Variants in MAF observed in about 807,000 individuals in gnomAD.
MAF encodes MAF bZIP transcription factor.
In MAF, 10 loss-of-function variants were observed where a neutral mutation model predicts 22.0. The observed-to-expected ratio is 0.45, with a 90% CI of 0.28 to 0.77. The LOEUF (loss-of-function observed/expected upper bound fraction) is 0.77, where lower values mean the gene tolerates loss of function less well. MAF is among the 30% of genes least tolerant of loss of function. The probability of loss-of-function intolerance (pLI) is 0.12; values close to 1 mark genes in which losing one functional copy is unlikely to be tolerated. For synonymous variants in MAF, 337 were observed against 255.8 expected (o/e 1.32, Z -3.03); for missense variants, 544 against 548.4 (o/e 0.99, Z 0.08).
At chr16:79,413,211 T>TA in the MAF span, among the ~76,000 whole-genome samples, 22 of 5,698 alleles carry the variant, frequency 3.9e-3, no homozygotes, top group African/African-American at 0.013. Context: ...AGCTGTGCAG[T>TA]TTTTTTTTTT....
the MAF span, among the ~76,000 whole-genome samples, chr16:79,429,249 G>A: frequency 3.0e-4 from 45 of 152,162 alleles, no homozygotes; most frequent in Non-Finnish European, 4.6e-4. Context: ...GTATTATTCC[G>A]TAATGAGCCA....
chr16:79,396,154 T>C, the MAF span, among the ~76,000 whole-genome samples: 4 of 152,170 alleles, frequency 2.6e-5, no homozygotes, highest in South Asian at 6.2e-4. Flanking sequence ...TAAAGGGTGT[T>C]TGTCCTGCAG....
At chr16:79,548,599 G>A in the MAF span, among the ~76,000 whole-genome samples, 1 of 152,226 alleles carries the variant, frequency 6.6e-6, no homozygotes, top group Non-Finnish European at 1.5e-5. Flanking sequence ...CATTGATGAT[G>A]AAGAGTCTTG....
intron 1 of MAF, chr16:79,597,867 G>A (rs1409509676): frequency 2.9e-6 from 3 of 1,028,488 alleles, no homozygotes; most frequent in Non-Finnish European, 3.5e-6. Context: ...GTTCATTGTT[G>A]CTAAGACAAA....
chr16:79,345,457 G>T, the MAF span, among the ~76,000 whole-genome samples: 4 of 152,128 alleles, frequency 2.6e-5, no homozygotes, highest in East Asian at 7.7e-4. Context: ...TTTTGGCTAG[G>T]TGTGGTGCCT....
the MAF span, among the ~76,000 whole-genome samples, chr16:79,283,303 A>G: frequency 2.6e-5 from 4 of 152,256 alleles, no homozygotes; most frequent in African/African-American, 9.6e-5. Flanking sequence ...TACATTAGAC[A>G]TATGAAACTT....
the MAF span, among the ~76,000 whole-genome samples, chr16:79,249,276 G>A: frequency 3.3e-5 from 5 of 152,110 alleles, no homozygotes; most frequent in African/African-American, 9.7e-5. Flanking sequence ...AAAAGTAGCC[G>A]GATGTGGTGG....
chr16:79,365,635 G>T, the MAF span, among the ~76,000 whole-genome samples: 2 of 152,062 alleles, frequency 1.3e-5, no homozygotes. Context: ...TCTCAACAGG[G>T]CTCACTGGTA....
At chr16:79,218,918 A>C in the MAF span, among the ~76,000 whole-genome samples, 8 of 152,270 alleles carry the variant, frequency 5.3e-5, no homozygotes, top group East Asian at 5.8e-4. Flanking sequence ...CCCAAAACTC[A>C]CACCCCAAGC....
At chr16:79,314,916 C>T in the MAF span, among the ~76,000 whole-genome samples, 1 of 152,156 alleles carries the variant, frequency 6.6e-6, no homozygotes, top group African/African-American at 2.4e-5. Context: ...TCCCCCATTG[C>T]AGGAAGTGAC....
At chr16:79,420,515 A>G in the MAF span, among the ~76,000 whole-genome samples, 38 of 152,324 alleles carry the variant, frequency 2.5e-4, no homozygotes, top group African/African-American at 8.7e-4. Flanking sequence ...CAAAAAATAG[A>G]GTGATTTTTC....
At chr16:79,520,491 G>C in the MAF span, among the ~76,000 whole-genome samples, 1 of 152,138 alleles carries the variant, frequency 6.6e-6, no homozygotes, top group Non-Finnish European at 1.5e-5. Flanking sequence ...GTGTGCGTGT[G>C]TGTGTGTGTG....
the MAF span, among the ~76,000 whole-genome samples, chr16:79,249,529 C>A: frequency 6.6e-6 from 1 of 152,146 alleles, no homozygotes; most frequent in South Asian, 2.1e-4. Flanking sequence ...GACACCAAAT[C>A]TGCTGCAACC....
the MAF span, among the ~76,000 whole-genome samples, chr16:79,497,855 T>C: frequency 6.6e-6 from 1 of 152,240 alleles, no homozygotes; most frequent in Non-Finnish European, 1.5e-5. Context: ...CGCTGATTCC[T>C]GCAATGCCTT....
chr16:79,313,960 A>T, the MAF span, among the ~76,000 whole-genome samples: 1 of 152,196 alleles, frequency 6.6e-6, no homozygotes, highest in African/African-American at 2.4e-5. Flanking sequence ...ATGATTAAAT[A>T]ACTAAGAATA....
chr16:79,404,982 T>C, the MAF span, among the ~76,000 whole-genome samples: 2 of 152,182 alleles, frequency 1.3e-5, no homozygotes, highest in Non-Finnish European at 2.9e-5. Flanking sequence ...TGTTGGTTAG[T>C]ACCGAACCAC....
chr16:79,589,152 G>T (rs190294284), downstream of MAF, among the ~76,000 whole-genome samples: 10 of 152,138 alleles, frequency 6.6e-5, no homozygotes, highest in Non-Finnish European at 1.0e-4. Context: ...CTCACAAACC[G>T]AGGGTCCCTC....
the MAF span, among the ~76,000 whole-genome samples, chr16:79,216,218 CAT>C: frequency 7.2e-5 from 11 of 152,094 alleles, no homozygotes; most frequent in African/African-American, 1.4e-4. Context: ...GTATACGTGT[CAT>C]GTGCACATCT....
the MAF span, among the ~76,000 whole-genome samples, chr16:79,436,682 G>C: frequency 5.3e-5 from 8 of 152,208 alleles, no homozygotes; most frequent in Non-Finnish European, 1.2e-4. Context: ...TTAAAAGGGA[G>C]ACCCTTGGGC....
Sources: gnomAD v4.1 joint callset for allele counts (sites outside exome capture counted in the v4.1 genomes callset) on GRCh38, gnomAD v4.1.1 for gene constraint, MANE v1.5 for transcripts, NCBI Gene and HGNC (gene_info 2026-07-23, HGNC 2026-07-21) for gene names.